The following HDAC4 variants were observed in gnomAD, a reference collection of about 807,000 sequenced individuals.
The protein encoded by HDAC4 is histone deacetylase A.
HDAC4 carries 16 observed loss-of-function variants against 135.1 expected under a neutral mutation model. The observed-to-expected ratio is 0.12, with a 90% confidence interval of 0.08 to 0.18. The LOEUF is 0.18. HDAC4 is among the 10% of genes least tolerant of loss of function. The pLI, the probability that HDAC4 is intolerant of heterozygous loss-of-function variation, is 1.00. For synonymous variants in HDAC4, 685 were observed against 653.4 expected, an observed-to-expected ratio of 1.05 and a Z score of -0.74; for missense variants, 1,143 against 1,511.8, an observed-to-expected ratio of 0.76 and a Z score of 4.05.
At chr2:239,366,614 C>T (rs1575758186) in intron 1 of HDAC4, among the ~76,000 whole-genome samples, 1 of 152,162 alleles carries the variant, frequency 6.6e-6, no homozygotes, top group Non-Finnish European at 1.5e-5. Context: ...GACTTGTTTC[C>T]GTTTGCTGTG....
At chr2:239,192,536 G>A (rs1352646642) in intron 3 of HDAC4, among the ~76,000 whole-genome samples, 1 of 152,180 alleles carries the variant, frequency 6.6e-6, no homozygotes, top group Non-Finnish European at 1.5e-5. Flanking sequence ...AAGAGAACGG[G>A]GCCTGGCTTC....
chr2:239,284,860 C>T (rs1439940056), intron 2 of HDAC4, among the ~76,000 whole-genome samples: 1 of 152,102 alleles, frequency 6.6e-6, no homozygotes, highest in Non-Finnish European at 1.5e-5. Flanking sequence ...GACCCAGGAT[C>T]GGGAAACTTT....
chr2:239,068,423 C>G lies in HDAC4; in HGVS notation c.2869+66G>C, dbSNP rs541782194. 13 of 1,151,894 alleles carry G rather than the reference C, an allele frequency of 1.1e-5. No individual in the cohort carries two copies. In the Admixed American group the frequency reaches 1.4e-4, roughly 12 times the overall value. 71.4% of individuals were successfully genotyped at this position (1,151,894 alleles called of 1,614,324 possible). A position where few individuals can be genotyped will look rare whatever the true frequency, so the allele number is the denominator to read the frequency against. ...TCGTTATTAAAAAGGGGACCTGACACGCGGAACACAGCGGATCATGGACAT... is the reference window on the plus strand; with the variant it reads ...TCGTTATTAAAAAGGGGACCTGACAGGCGGAACACAGCGGATCATGGACAT... On this transcript the variant is annotated intron_variant, in intron 23 of 26. Coordinates refer to ENST00000543185, the MANE Select transcript of HDAC4 (RefSeq NM_001378414.1). The surrounding 1 kb of genome is among the most constrained non-coding windows in gnomAD (Gnocchi z 4.4).
chr2:239,122,360 A>T (rs1338737169), intron 12 of HDAC4, among the ~76,000 whole-genome samples: 1 of 152,176 alleles, frequency 6.6e-6, no homozygotes, highest in Non-Finnish European at 1.5e-5. Flanking sequence ...TTTCGCCTGG[A>T]CACACATCAC....
At chr2:239,362,821 CAAGAA>C (rs1459203577) in intron 1 of HDAC4, among the ~76,000 whole-genome samples, 2 of 152,020 alleles carry the variant, frequency 1.3e-5, no homozygotes, top group African/African-American at 2.4e-5. Flanking sequence ...GGCAGTAAGG[CAAGAA>C]AAGAAAAGAA....
chr2:239,243,155 CTTTT>C (rs1285513656), intron 2 of HDAC4, among the ~76,000 whole-genome samples: 1 of 141,476 alleles, frequency 7.1e-6, no homozygotes, highest in African/African-American at 2.6e-5. Context: ...ATTAACATTC[CTTTT>C]TTTTTTTTTT....
rs376803502 is a variant in HDAC4, at chr2:239,068,520, G to T, written c.2838C>A (p.Thr946=). The T allele has an allele frequency of 4.3e-6, 7 of 1,613,590 alleles. No homozygotes were observed. The African/African-American group carries it at 8.0e-5, about 18-fold the overall frequency. Residue 946 remains threonine, a synonymous_variant, in exon 23 of 27, where the codon ACC becomes ACA. Coordinates refer to ENST00000543185, the MANE Select transcript of HDAC4 (RefSeq NM_001378414.1). The surrounding 1 kb of genome is among the most constrained non-coding windows in gnomAD (Gnocchi z 4.4). ...SGFDAVEGHP[T]PLGGYNLSAR... ...CGGAGAGGTTGTAGCCCCCAAGAGG[G>T]GTGGGGTGGCCCTCCACGGCATCGA...
At chr2:239,305,301 G>A (rs944989806) in intron 2 of HDAC4, among the ~76,000 whole-genome samples, 3 of 152,240 alleles carry the variant, frequency 2.0e-5, no homozygotes, top group Non-Finnish European at 4.4e-5. Flanking sequence ...GCTGACACGG[G>A]GAGTCTGCTT....
chr2:239,336,187 G>C (rs1012900544), intron 2 of HDAC4, among the ~76,000 whole-genome samples: 1 of 152,208 alleles, frequency 6.6e-6, no homozygotes, highest in Non-Finnish European at 1.5e-5. Flanking sequence ...TTAGAAGCTA[G>C]AGAAGTGGTA....
intron 3 of HDAC4, among the ~76,000 whole-genome samples, chr2:239,197,847 T>TTGTG (rs368801140): frequency 0.069 from 9,708 of 140,098 alleles, 366 homozygotes; most frequent in South Asian, 0.12. Flanking sequence ...CACTAAAAGT[T>TTGTG]TGTGTGTGTG....
At chr2:239,238,801 G>A (rs1224564532) in intron 2 of HDAC4, among the ~76,000 whole-genome samples, 1 of 152,206 alleles carries the variant, frequency 6.6e-6, no homozygotes, top group Non-Finnish European at 1.5e-5. Flanking sequence ...TGTAAGTCAC[G>A]ATACGTGGTG....
At position 239,075,553 on chromosome 2, in the gene HDAC4, G is replaced by A. The variant is rs1405514817; in HGVS notation, c.2750+5542C>T. On this transcript the variant is annotated intron_variant, in intron 22 of 26. Transcript: ENST00000543185. ...GAAGCCATGACTGTGGTGCCCAGAG[G>A]GTGCCTGTGCCCGTGAGGCACGTAC... 4.6e-5 allele frequency among the ~76,000 whole-genome samples: 7 copies of A among 152,170 alleles called. No individual in the cohort carries two copies. In the South Asian group the frequency reaches 1.0e-3, roughly 23 times the overall value.
At chr2:239,269,494 C>T (rs999968775) in intron 2 of HDAC4, among the ~76,000 whole-genome samples, 2 of 152,230 alleles carry the variant, frequency 1.3e-5, no homozygotes, top group Non-Finnish European at 2.9e-5. Flanking sequence ...GTGCCAAACT[C>T]CATTCCAGTC....
chr2:239,294,288 T>C (rs1448619116), intron 2 of HDAC4, among the ~76,000 whole-genome samples: 1 of 97,786 alleles, frequency 1.0e-5, no homozygotes, highest in Non-Finnish European at 2.1e-5. Context: ...TCAGGGAAGC[T>C]GTTCGCCGTG....
At chr2:239,291,544 T>C (rs1261928476) in intron 2 of HDAC4, among the ~76,000 whole-genome samples, 1 of 152,218 alleles carries the variant, frequency 6.6e-6, no homozygotes, top group African/African-American at 2.4e-5. Context: ...CTCTGGAACT[T>C]TGGTTTTCAT....
chr2:239,315,946 A>G (rs2053097027), intron 2 of HDAC4, among the ~76,000 whole-genome samples: 1 of 152,234 alleles, frequency 6.6e-6, no homozygotes, highest in South Asian at 2.1e-4. Context: ...AGAATGTCAA[A>G]ATACAGTGGA....
intron 24 of HDAC4, among the ~76,000 whole-genome samples, chr2:239,058,543 C>T (rs2032212139): frequency 3.9e-5 from 6 of 152,218 alleles, no homozygotes; most frequent in Admixed American, 3.9e-4. Context: ...AAAACTGACG[C>T]TAGGCAGGCA....
At chr2:239,340,180 A>C (rs1357653739) in intron 2 of HDAC4, among the ~76,000 whole-genome samples, 1 of 152,126 alleles carries the variant, frequency 6.6e-6, no homozygotes, top group Non-Finnish European at 1.5e-5. Flanking sequence ...CCTGAGCCTC[A>C]GCTACACCAA....
chr2:239,249,150 C>T (rs1485464754), intron 2 of HDAC4, among the ~76,000 whole-genome samples: 5 of 152,148 alleles, frequency 3.3e-5, no homozygotes, highest in Non-Finnish European at 5.9e-5. Flanking sequence ...ACGATCCCAA[C>T]GAGGTACACA....
Sources: allele counts gnomAD v4.1 joint callset (sites outside exome capture counted in the v4.1 genomes callset), GRCh38; gene constraint gnomAD v4.1.1; non-coding constraint Gnocchi (gnomAD v3.1); transcripts MANE v1.5; gene names NCBI Gene and HGNC (gene_info 2026-07-23, HGNC 2026-07-21).